Variants in NLGN1 observed in about 807,000 individuals in gnomAD.
NLGN1 encodes neuroligin-1.
A neutral mutation model predicts 65.5 loss-of-function variants in NLGN1; 12 were observed. The observed-to-expected ratio is 0.18, with a 90% CI of 0.12 to 0.30. The LOEUF (loss-of-function observed/expected upper bound fraction) is 0.30, where lower values mean the gene tolerates loss of function less well. NLGN1 is among the 10% of genes least tolerant of loss of function. The pLI is 1.00. For synonymous variants in NLGN1, 350 were observed against 359.5 expected (o/e 0.97, Z 0.30); for missense variants, 750 against 1,007.1 (o/e 0.74, Z 3.46).
At chr3:173,634,790 C>G (rs1457174284) in intron 3 of NLGN1, among the ~76,000 whole-genome samples, 1 of 152,044 alleles carries the variant, frequency 6.6e-6, no homozygotes, top group Non-Finnish European at 1.5e-5. Flanking sequence ...AGTTTCTTCC[C>G]TGGGTGATCC....
intron 2 of NLGN1, among the ~76,000 whole-genome samples, chr3:173,450,084 T>G (rs1721193777): frequency 6.6e-6 from 1 of 152,238 alleles, no homozygotes; most frequent in African/African-American, 2.4e-5. Flanking sequence ...TATTGTTATG[T>G]GTGAATTTGA....
intron 2 of NLGN1, among the ~76,000 whole-genome samples, chr3:173,511,194 A>G (rs1464195738): frequency 6.6e-6 from 1 of 152,164 alleles, no homozygotes; most frequent in Non-Finnish European, 1.5e-5. Context: ...ATGCACTGAA[A>G]CTTGCAAACG....
chr3:173,490,540 T>C (rs1436509668), intron 2 of NLGN1, among the ~76,000 whole-genome samples: 1 of 152,204 alleles, frequency 6.6e-6, no homozygotes, highest in Admixed American at 6.5e-5. Flanking sequence ...TGCCTCCAGC[T>C]TTGTTCTTTT....
rs969717842 is a variant in NLGN1 at position 173,786,696 on chromosome 3, C to A, written c.494-20984C>A. ...AAAACATAGGATACTATTTCTTAACCTGTATCAGAAAAAATGAATTTTAAT... is the reference window on the plus strand; with the variant it reads ...AAAACATAGGATACTATTTCTTAACATGTATCAGAAAAAATGAATTTTAAT... On this transcript the variant is annotated intron_variant, in intron 3 of 6. Transcript: ENST00000457714. Among the ~76,000 whole-genome samples the A allele has an allele frequency of 3.9e-5, 6 of 152,108 alleles. No individual in the cohort carries two copies. In the South Asian group the frequency reaches 1.2e-3, roughly 32 times the overall value.
intron 4 of NLGN1, among the ~76,000 whole-genome samples, chr3:174,221,345 G>A (rs1738610692): frequency 6.6e-6 from 1 of 152,082 alleles, no homozygotes; most frequent in African/African-American, 2.4e-5. Flanking sequence ...AAAACCATCA[G>A]CACCAGCACT....
At chr3:174,137,651 A>G (rs966638198) in intron 4 of NLGN1, among the ~76,000 whole-genome samples, 1 of 152,178 alleles carries the variant, frequency 6.6e-6, no homozygotes, top group Non-Finnish European at 1.5e-5. Context: ...TTAATGCCTG[A>G]GGATAAGAAA....
At chr3:174,113,972 C>G (rs1715794709) in intron 4 of NLGN1, among the ~76,000 whole-genome samples, 1 of 152,122 alleles carries the variant, frequency 6.6e-6, no homozygotes, top group Non-Finnish European at 1.5e-5. Context: ...TACCCCACAG[C>G]AGTAGTAGGA....
chr3:173,803,425 A>C (rs77717350), intron 3 of NLGN1, among the ~76,000 whole-genome samples: 5,833 of 151,998 alleles, frequency 0.038, 257 homozygotes, highest in East Asian at 0.18. Flanking sequence ...AGGAGACAAG[A>C]CTGTCCAACG....
At chr3:173,778,360 T>G (rs1428529179) in intron 3 of NLGN1, among the ~76,000 whole-genome samples, 1 of 151,880 alleles carries the variant, frequency 6.6e-6, no homozygotes, top group Non-Finnish European at 1.5e-5. Flanking sequence ...GAGTCTCGAA[T>G]AATTTACAGC....
rs557859659 is a variant in NLGN1 at position 173,536,253 on chromosome 3, A to G, written c.-320-68026A>G. Among the ~76,000 whole-genome samples the G allele has an allele frequency of 1.4e-4, 21 of 152,234 alleles. No homozygotes were observed. The South Asian group carries it at 4.4e-3, about 32-fold the overall frequency. On this transcript the variant is annotated intron_variant, in intron 2 of 6. Transcript: ENST00000457714. ...TCAGGCATAACTCTTAGGTTCTGCTACCTCTTAATCACAGTCTATTCTGGA... is the reference window on the plus strand; with the variant it reads ...TCAGGCATAACTCTTAGGTTCTGCTGCCTCTTAATCACAGTCTATTCTGGA...
At chr3:173,954,839 T>G (rs776629752) in intron 4 of NLGN1, among the ~76,000 whole-genome samples, 2 of 152,130 alleles carry the variant, frequency 1.3e-5, no homozygotes, top group Non-Finnish European at 2.9e-5. Flanking sequence ...ACAGGAATAG[T>G]GCATTAGCTC....
intron 3 of NLGN1, among the ~76,000 whole-genome samples, chr3:173,624,303 G>C (rs1409099227): frequency 1.3e-5 from 2 of 152,136 alleles, no homozygotes; most frequent in East Asian, 3.9e-4. Flanking sequence ...TGCACTTTCT[G>C]CCTACTTCAC....
chr3:174,271,732 T>C (rs1168647967), intron 4 of NLGN1, among the ~76,000 whole-genome samples: 2 of 151,842 alleles, frequency 1.3e-5, no homozygotes, highest in East Asian at 1.9e-4. Context: ...AATGGACATG[T>C]TTTTTGATGA....
Position 173,626,944 on chromosome 3 carries a change from G to A in NLGN1, c.493+21853G>A, listed in dbSNP as rs369316746. On this transcript the variant is annotated intron_variant, in intron 3 of 6. Coordinates refer to ENST00000457714, the Ensembl canonical transcript of NLGN1. The stretch of plus-strand genomic sequence containing the variant: ...ACTATCCTAGCAGGAGGAAAAGGTA[G>A]ATTTTCCTTAAAAAAGGAAGTGACT... Among the ~76,000 whole-genome samples, 21 of 152,098 alleles carry A rather than the reference G, an allele frequency of 1.4e-4. No homozygotes were observed. In the East Asian group the frequency reaches 2.9e-3, roughly 21 times the overall value.
At chr3:173,814,424 G>A (rs759699057) in intron 4 of NLGN1, among the ~76,000 whole-genome samples, 3 of 152,258 alleles carry the variant, frequency 2.0e-5, no homozygotes, top group Admixed American at 6.5e-5. Context: ...GAAACTATTT[G>A]TCCTGTGGCG....
At chr3:173,961,320 A>C (rs1239660808) in intron 4 of NLGN1, among the ~76,000 whole-genome samples, 1 of 152,076 alleles carries the variant, frequency 6.6e-6, no homozygotes, top group Non-Finnish European at 1.5e-5. Flanking sequence ...TTAAAAAATC[A>C]ATACCCAGAA....
At chr3:173,887,089 A>C (rs1028386025) in intron 4 of NLGN1, among the ~76,000 whole-genome samples, 1 of 152,080 alleles carries the variant, frequency 6.6e-6, no homozygotes, top group Non-Finnish European at 1.5e-5. Context: ...AGTTATTGTA[A>C]GGTATAGCTT....
chr3:173,992,505 A>G (rs1375098363), intron 4 of NLGN1, among the ~76,000 whole-genome samples: 1 of 152,226 alleles, frequency 6.6e-6, no homozygotes, highest in Non-Finnish European at 1.5e-5. Flanking sequence ...AAATGATTCA[A>G]GAATAAACTA....
intron 1 of NLGN1, among the ~76,000 whole-genome samples, chr3:173,400,069 G>A (rs370956772): frequency 2.6e-5 from 4 of 152,282 alleles, no homozygotes; most frequent in African/African-American, 9.6e-5. Context: ...AAAAGTAACA[G>A]TAGTATTAGA....
Sources: allele counts gnomAD v4.1 joint callset (sites outside exome capture counted in the v4.1 genomes callset), GRCh38; gene constraint gnomAD v4.1.1; transcripts MANE v1.5; gene names NCBI Gene and HGNC (gene_info 2026-07-23, HGNC 2026-07-21).